Variants in NDUFB5 observed in about 807,000 individuals in gnomAD.
NDUFB5 encodes NADH:ubiquinone oxidoreductase subunit B5.
NDUFB5 carries 19 observed loss-of-function variants against 19.4 expected under a neutral mutation model. The ratio of observed to expected loss-of-function variants is 0.98; its 90% CI spans 0.68 to 1.43. The LOEUF (loss-of-function observed/expected upper bound fraction) is 1.43. Ranked by LOEUF, NDUFB5 falls within the 40% of genes most tolerant of loss-of-function variation. NDUFB5 has a pLI of 0.00. For missense variants in NDUFB5, 233 were observed against 236.5 expected (o/e 0.99, Z 0.10); for synonymous variants, 80 against 82.6 (o/e 0.97, Z 0.17).
intron 3 of NDUFB5, 152 bp downstream of exon 3, chr3:179,616,201 A>C: frequency 3.1e-6 from 2 of 650,792 alleles, no homozygotes; most frequent in South Asian, 4.2e-5. Context: ...AAATAACCAA[A>C]TCTCAATCTG....
At chr3:179,605,867 C>G (rs1201157773) in intron 1 of NDUFB5, among the ~76,000 whole-genome samples, 5 of 151,772 alleles carry the variant, frequency 3.3e-5, no homozygotes, top group Non-Finnish European at 5.9e-5. Flanking sequence ...TCTTGGCTCA[C>G]TGCAATCTCC....
intron 1 of NDUFB5, among the ~76,000 whole-genome samples, chr3:179,606,663 G>A (rs1490506373): frequency 1.3e-5 from 2 of 152,172 alleles, no homozygotes; most frequent in Non-Finnish European, 2.9e-5. Flanking sequence ...AGGGTTTAAA[G>A]TATTAATTTA....
At chr3:179,610,296 G>C (rs1237310455) in intron 1 of NDUFB5, among the ~76,000 whole-genome samples, 1 of 152,056 alleles carries the variant, frequency 6.6e-6, no homozygotes, top group African/African-American at 2.4e-5. Flanking sequence ...ATCTTGCTAT[G>C]TTGACCAGGC....
intron 5 of NDUFB5, among the ~76,000 whole-genome samples, chr3:179,620,747 C>T (rs1719513160): frequency 6.6e-6 from 1 of 152,104 alleles, no homozygotes; most frequent in Admixed American, 6.6e-5. Context: ...ATTGTACATA[C>T]TGCTGTGTTT....
rs967390380 is a variant in NDUFB5, at chr3:179,626,002, C to G, written c.*1962C>G. 6.6e-6 allele frequency: 1 copy of G among 152,128 alleles called. No homozygotes were observed. Among genetic ancestry groups the G allele is most frequent in the African/African-American group, 2.4e-5 (1 of 41,438 alleles). 9.4% of individuals were successfully genotyped at this position (152,128 alleles called of 1,614,324 possible). A position where few individuals can be genotyped will look rare whatever the true frequency, so the allele number is the denominator to read the frequency against. ...ATTCTATGTGTAGTTTCTTGAGGAACCTTCATGGTGTTCTTCATAGTGGTT... is the reference window on the plus strand; with the variant it reads ...ATTCTATGTGTAGTTTCTTGAGGAAGCTTCATGGTGTTCTTCATAGTGGTT... On this transcript the variant is annotated 3_prime_UTR_variant, in exon 6 of 6. Coordinates refer to ENST00000259037, the MANE Select transcript of NDUFB5 (RefSeq NM_002492.4).
At chr3:179,609,185 C>T (rs1053216544) in intron 1 of NDUFB5, among the ~76,000 whole-genome samples, 20 of 152,298 alleles carry the variant, frequency 1.3e-4, no homozygotes, top group Admixed American at 3.9e-4. Context: ...TATACAAATA[C>T]CTCTTCTGAG....
chr3:179,618,353 C>T (rs1719436959), intron 4 of NDUFB5, 62 bp from the exon 5 acceptor site: 4 of 1,057,118 alleles, frequency 3.8e-6, no homozygotes, highest in Non-Finnish European at 5.6e-6. Flanking sequence ...AAAGAATAGT[C>T]AACTAGAAAA....
intron 1 of NDUFB5, among the ~76,000 whole-genome samples, chr3:179,614,289 A>G (rs1360246280): frequency 1.3e-5 from 2 of 152,178 alleles, no homozygotes; most frequent in Non-Finnish European, 2.9e-5. Context: ...GGGAGACTTG[A>G]AGAGGATATT....
At chr3:179,622,053 G>A (rs999880055) in intron 5 of NDUFB5, among the ~76,000 whole-genome samples, 2 of 151,958 alleles carry the variant, frequency 1.3e-5, no homozygotes, top group South Asian at 2.1e-4. Context: ...CTGCAGCCCC[G>A]ACCTCCTGGG....
At position 179,618,433 on chromosome 3, in the gene NDUFB5, AT is replaced by A. The variant is rs1305884804; in HGVS notation, c.363del (p.Ile121MetfsTer31). On this transcript the variant is annotated frameshift_variant, in exon 5 of 6. Transcript: ENST00000259037. LOFTEE classifies it high-confidence loss of function. ...EYYKHPISRW[I>X]ARNFYDSPEK... ...CTTGTAGCATCCCATATCAAGATGG[AT>A]TGCCCGTAATTTCTATGATAGTCCT... is the stretch of plus-strand genomic sequence containing the variant. 1.2e-6 allele frequency: 2 copies of A among 1,607,972 alleles called. No homozygotes were observed. Among genetic ancestry groups the A allele is most frequent in the Non-Finnish European group, 1.7e-6 (2 of 1,177,266 alleles).
intron 1 of NDUFB5, chr3:179,614,634 G>A (rs148069925): frequency 7.6e-5 from 12 of 157,492 alleles, no homozygotes; most frequent in African/African-American, 2.9e-4. Flanking sequence ...GAATTAAAAT[G>A]AGGAAAGTTA....
rs1034478458 is a variant in NDUFB5, at chr3:179,607,690, T to G, written c.124+2751T>G. 3 of 694,424 alleles carry G rather than the reference T, an allele frequency of 4.3e-6. No homozygotes were observed. In the African/African-American group the frequency reaches 5.3e-5, roughly 12 times the overall value. The allele number at this position is 694,424 out of a possible 1,614,324, so 43.0% of individuals were successfully genotyped here. On this transcript the variant is annotated intron_variant, in intron 1 of 5. Coordinates refer to ENST00000259037, the MANE Select transcript of NDUFB5 (RefSeq NM_002492.4). ...ATCACCATCATCCAACTCCAGAACT[T>G]TTTTCATATGGTAAAACTAAAACTC...
chr3:179,617,512 T>A, intron 4 of NDUFB5: 1 of 152,252 alleles, frequency 6.6e-6, no homozygotes, highest in East Asian at 1.9e-4. Flanking sequence ...AACAACGAAT[T>A]TTGGTACTTC....
In NDUFB5 at chr3:179,617,062, A is replaced by G; in HGVS notation, c.342+18A>G. The G allele has an allele frequency of 6.5e-7, 1 of 1,542,818 alleles. No individual in the cohort carries two copies. ...ATTATAAGGTTTGTATAGGACATTG[A>G]CAATTACATACTGTTACATGCCTTG... is the stretch of plus-strand genomic sequence containing the variant. On this transcript the variant is annotated intron_variant, in intron 4 of 5. Coordinates refer to ENST00000259037, the MANE Select transcript of NDUFB5 (RefSeq NM_002492.4).
rs1719669908 is a variant in NDUFB5 at position 179,626,404 on chromosome 3, T to C, written c.*2364T>C. The C allele has an allele frequency of 6.6e-6, 1 of 152,238 alleles. No individual in the cohort carries two copies. The highest frequency in any genetic ancestry group is 2.4e-5 in the African/African-American group (1 of 41,408). 9.4% of individuals were successfully genotyped at this position (152,238 alleles called of 1,614,324 possible). A position where few individuals can be genotyped will look rare whatever the true frequency, so the allele number is the denominator to read the frequency against. On this transcript the variant is annotated 3_prime_UTR_variant, in exon 6 of 6. Coordinates refer to ENST00000259037, the MANE Select transcript of NDUFB5 (RefSeq NM_002492.4). ...CGAGTGCCACCATGCTCAGCTAATT[T>C]TTTTGTATTTTTTGTAGCGACTGGG...
At chr3:179,622,180 T>C (rs1719556251) in intron 5 of NDUFB5, among the ~76,000 whole-genome samples, 1 of 152,128 alleles carries the variant, frequency 6.6e-6, no homozygotes, top group Non-Finnish European at 1.5e-5. Flanking sequence ...TTGGTAGAGA[T>C]GGGATCTTGC....
intron 1 of NDUFB5, among the ~76,000 whole-genome samples, chr3:179,606,072 G>GTT (rs1460728956): frequency 1.3e-5 from 2 of 152,120 alleles, no homozygotes; most frequent in Admixed American, 6.5e-5. Flanking sequence ...GATTATAGGC[G>GTT]TAAGCCACTG....
chr3:179,616,654 A>G (rs777887617), intron 3 of NDUFB5, among the ~76,000 whole-genome samples: 6 of 152,202 alleles, frequency 3.9e-5, no homozygotes, highest in Non-Finnish European at 5.9e-5. Flanking sequence ...CTTGAATCCT[A>G]AAATGTTTTG....
intron 1 of NDUFB5, among the ~76,000 whole-genome samples, chr3:179,608,398 G>A (rs1256003162): frequency 1.3e-5 from 2 of 151,948 alleles, no homozygotes; most frequent in Non-Finnish European, 2.9e-5. Flanking sequence ...TCACCATGTT[G>A]GCCAGGCTGG....
Sources: gnomAD v4.1 joint callset for allele counts (sites outside exome capture counted in the v4.1 genomes callset) on GRCh38, gnomAD v4.1.1 for gene constraint, MANE v1.5 for transcripts, NCBI Gene and HGNC (gene_info 2026-07-23, HGNC 2026-07-21) for gene names.